Variants in ZNF713 observed in about 807,000 individuals in gnomAD.
ZNF713 encodes the protein zinc finger protein 713.
Under a neutral mutation model 28.7 loss-of-function variants are expected in ZNF713, and 21 were observed. The observed-to-expected ratio is 0.73, with a 90% CI of 0.52 to 1.05. ZNF713 has a LOEUF of 1.05. Among genes scored for constraint, ZNF713 ranks in the 50% least tolerant of loss-of-function variants. ZNF713 has a pLI of 0.00. For synonymous variants in ZNF713, 167 were observed against 178.0 expected (o/e 0.94, Z 0.49); for missense variants, 458 against 532.4 (o/e 0.86, Z 1.37).
chr7:55,935,780 CG>C (rs1339229896), intron 6 of ZNF713, among the ~76,000 whole-genome samples: 2 of 151,928 alleles, frequency 1.3e-5, no homozygotes, highest in Non-Finnish European at 2.9e-5. Context: ...GGTGAAACCC[CG>C]TCTCTACTAA....
chr7:55,939,203 GAGAGA>G lies in ZNF713; in HGVS notation c.532_536del (p.Arg178ProfsTer2). ...TTTGACCCACAAAAAGATCACACAG[GAGAGA>G]AGCCTTGAGTGTAATAAATTTGCAG... On this transcript the variant is annotated frameshift_variant, in exon 7 of 7. Coordinates refer to ENST00000429591, the MANE Select transcript of ZNF713 (RefSeq NM_182633.3). LOFTEE classifies it high-confidence loss of function. The G allele has an allele frequency of 6.2e-7, 1 of 1,614,138 alleles. No individual in the cohort carries two copies. Among genetic ancestry groups the G allele is most frequent in the Non-Finnish European group, 8.5e-7 (1 of 1,180,026 alleles).
At chr7:55,926,333 CA>C (rs1282132590) in intron 6 of ZNF713, among the ~76,000 whole-genome samples, 2 of 152,096 alleles carry the variant, frequency 1.3e-5, no homozygotes, top group Admixed American at 1.3e-4. Flanking sequence ...AGAAAACTTC[CA>C]AATTTCATTG....
intron 2 of ZNF713, among the ~76,000 whole-genome samples, chr7:55,907,730 G>A (rs1785707215): frequency 6.6e-6 from 1 of 152,122 alleles, no homozygotes; most frequent in Non-Finnish European, 1.5e-5. Flanking sequence ...CAGTTTCTGA[G>A]TTATTTCACT....
rs140303965 is a variant in ZNF713 at position 55,939,704 on chromosome 7, T to G, written c.1030T>G (p.Cys344Gly). The change falls in exon 7 of 7, where the codon TGT becomes GGT. Residue 344 changes from cysteine to glycine, a missense_variant. Cys to Gly is a radical substitution (Grantham distance 159). Coordinates refer to ENST00000429591, the MANE Select transcript of ZNF713 (RefSeq NM_182633.3). ...TCATACTGGAGAAAAGCCCTATAAA[T>G]GTAATCAATGTGGTAAAGCTTTTAG... ...RIHTGEKPYK[C>G]NQCGKAFSRI... The G allele has an allele frequency of 3.8e-4, 614 of 1,614,068 alleles. No individual in the cohort carries two copies. The highest frequency in any genetic ancestry group is 4.9e-4 in the Non-Finnish European group (581 of 1,180,036).
chr7:55,933,742 T>C (rs1786290580), intron 6 of ZNF713, among the ~76,000 whole-genome samples: 1 of 152,224 alleles, frequency 6.6e-6, no homozygotes, highest in East Asian at 1.9e-4. Context: ...CTGGCTCTTG[T>C]CACCCAGGCT....
chr7:55,917,727 T>A (rs969046499), intron 4 of ZNF713, among the ~76,000 whole-genome samples: 58 of 149,608 alleles, frequency 3.9e-4, no homozygotes, highest in Non-Finnish European at 6.7e-4. Flanking sequence ...AGAAAAAAAA[T>A]TTTAAAGACA....
chr7:55,938,807 C>T (rs1786405731), intron 6 of ZNF713, among the ~76,000 whole-genome samples, 175 bp from the exon 7 acceptor site: 1 of 152,188 alleles, frequency 6.6e-6, no homozygotes, highest in African/African-American at 2.4e-5. Flanking sequence ...CTTGTGACTT[C>T]TCATAATCTT....
At chr7:55,898,836 A>G (rs185484073) in intron 1 of ZNF713, among the ~76,000 whole-genome samples, 107 of 152,286 alleles carry the variant, frequency 7.0e-4, no homozygotes, top group Middle Eastern at 3.4e-3. Context: ...CAACATACAA[A>G]TGGCCATCAG....
intron 4 of ZNF713, among the ~76,000 whole-genome samples, chr7:55,917,514 A>G (rs1785906732): frequency 6.6e-6 from 1 of 152,062 alleles, no homozygotes; most frequent in Non-Finnish European, 1.5e-5. Context: ...AGTGTGACCA[A>G]CTTGGTGCAA....
intron 3 of ZNF713, 77 bp from the exon 4 acceptor site, chr7:55,912,558 C>G: frequency 9.4e-7 from 1 of 1,067,542 alleles, no homozygotes; most frequent in Non-Finnish European, 1.4e-6. Context: ...TCTGCCATAC[C>G]TACACAAAGC....
At chr7:55,907,870 C>T (rs1785710219) in intron 2 of ZNF713, among the ~76,000 whole-genome samples, 1 of 152,116 alleles carries the variant, frequency 6.6e-6, no homozygotes, top group African/African-American at 2.4e-5. Flanking sequence ...TTGATGGACA[C>T]TGAGGTTGAT....
At chr7:55,909,194 G>A (rs1249276574) in intron 2 of ZNF713, among the ~76,000 whole-genome samples, 11 of 108,090 alleles carry the variant, frequency 1.0e-4, no homozygotes, top group South Asian at 2.9e-4. Flanking sequence ...GCAAGACTCC[G>A]TCAAAAAAAA....
chr7:55,901,786 G>A (rs771338990), intron 1 of ZNF713, among the ~76,000 whole-genome samples: 6 of 152,204 alleles, frequency 3.9e-5, no homozygotes, highest in African/African-American at 1.2e-4. Context: ...AACAGATCAC[G>A]TGTATGATTT....
chr7:55,892,579 CAAAG>C (rs1234003795), intron 1 of ZNF713, among the ~76,000 whole-genome samples: 6 of 55,404 alleles, frequency 1.1e-4, no homozygotes, highest in Admixed American at 1.8e-4. Flanking sequence ...AAAAAAAAAA[CAAAG>C]CAGAATAGGC....
At chr7:55,896,347 A>G (rs1785471996) in intron 1 of ZNF713, among the ~76,000 whole-genome samples, 1 of 152,176 alleles carries the variant, frequency 6.6e-6, no homozygotes, top group Non-Finnish European at 1.5e-5. Context: ...AGAATTCCAC[A>G]TAAATGCTGT....
intron 6 of ZNF713, among the ~76,000 whole-genome samples, chr7:55,935,816 G>T (rs2062921): frequency 0.44 from 66,980 of 151,554 alleles, 15,124 homozygotes; most frequent in East Asian, 0.58. Context: ...TTAGCCGAGT[G>T]TGGTGGCGGG....
At chr7:55,907,650 C>T (rs1207123017) in intron 2 of ZNF713, among the ~76,000 whole-genome samples, 1 of 152,108 alleles carries the variant, frequency 6.6e-6, no homozygotes, top group East Asian at 1.9e-4. Context: ...CTGTTGTTCC[C>T]CTCTGTATGT....
At chr7:55,926,685 A>G (rs1786102895) in intron 6 of ZNF713, among the ~76,000 whole-genome samples, 1 of 152,230 alleles carries the variant, frequency 6.6e-6, no homozygotes, top group Non-Finnish European at 1.5e-5. Context: ...TACCCAGTAG[A>G]TTTAGCAGCA....
At chr7:55,902,226 A>G (rs1489864112) in intron 1 of ZNF713, among the ~76,000 whole-genome samples, 6 of 152,162 alleles carry the variant, frequency 3.9e-5, no homozygotes, top group Non-Finnish European at 7.4e-5. Flanking sequence ...GTCAATATAT[A>G]AGAAGGAATA....
Sources: allele counts gnomAD v4.1 joint callset (sites outside exome capture counted in the v4.1 genomes callset), GRCh38; gene constraint gnomAD v4.1.1; transcripts MANE v1.5; gene names NCBI Gene and HGNC (gene_info 2026-07-23, HGNC 2026-07-21).